The following RPL7L1 variants were observed in gnomAD, a reference collection of about 807,000 sequenced individuals.
RPL7L1 encodes ribosomal protein uL30-like.
In RPL7L1, 20 loss-of-function variants were observed where a neutral mutation model predicts 30.3. That is an observed-to-expected ratio of 0.66 (90% CI 0.46 to 0.96). The LOEUF is 0.96. Among genes scored for constraint, RPL7L1 ranks in the 40% least tolerant of loss-of-function variants. RPL7L1 has a pLI of 0.00. For synonymous variants in RPL7L1, 107 were observed against 110.1 expected (o/e 0.97, Z 0.18); for missense variants, 271 against 314.9 (o/e 0.86, Z 1.05).
In RPL7L1 at chr6:42,889,104, A is replaced by G. The variant is rs1007164775; in HGVS notation, c.*2640A>G. 5 of 152,190 alleles carry G rather than the reference A, an allele frequency of 3.3e-5. No homozygotes were observed. Among genetic ancestry groups the G allele is most frequent in the African/African-American group, 9.7e-5 (4 of 41,432 alleles). The allele number at this position is 152,190 out of a possible 1,614,324, so 9.4% of individuals were successfully genotyped here. ...GCAATTTTGGCTCCTTGGACCCTCA[A>G]GCATAGCTGGTAAATCAAGTTAGAG... is the stretch of plus-strand genomic sequence containing the variant. On this transcript the variant is annotated 3_prime_UTR_variant, in exon 6 of 6. Coordinates refer to ENST00000493763, the MANE Select transcript of RPL7L1 (RefSeq NM_001366481.3).
In RPL7L1 at chr6:42,879,918, G is replaced by A. The variant is rs780765812; in HGVS notation, c.8G>A (p.Ser3Asn). ...CATGTGGTGGGGTTGCGCATGATCA[G>A]TAGCTGCACCACTAGAAAGATGGCG... is the stretch of plus-strand genomic sequence containing the variant. MI[S>N]SCTTRKMAEQ... is the part of the protein sequence containing the mutation. Residue 3 changes from serine to asparagine, a missense_variant, in exon 1 of 6, where the codon AGT becomes AAT. Physicochemically the swap from Ser to Asn is conservative, Grantham distance 46. Coordinates refer to ENST00000493763, the MANE Select transcript of RPL7L1 (RefSeq NM_001366481.3). 31 of 1,614,098 alleles carry A rather than the reference G, an allele frequency of 1.9e-5. No individual in the cohort carries two copies. Among genetic ancestry groups the A allele is most frequent in the Non-Finnish European group, 2.5e-5 (30 of 1,179,992 alleles).
chr6:42,885,052 G>A (rs1040269960), intron 4 of RPL7L1, among the ~76,000 whole-genome samples: 4 of 152,154 alleles, frequency 2.6e-5, no homozygotes, highest in East Asian at 1.9e-4. Context: ...ATTCCTGGCC[G>A]GACACACTGG....
chr6:42,881,101 G>T, intron 2 of RPL7L1, 135 bp downstream of exon 2: 1 of 618,492 alleles, frequency 1.6e-6, no homozygotes, highest in Non-Finnish European at 2.9e-6. Context: ...GTCTCTCAGT[G>T]TCCTTAAGGG....
rs377089896 is a variant in RPL7L1 at position 42,887,716 on chromosome 6, A to G, written c.*1252A>G. The G allele has an allele frequency of 6.6e-6, 1 of 152,122 alleles. No individual in the cohort carries two copies. Among genetic ancestry groups the G allele is most frequent in the African/African-American group, 2.4e-5 (1 of 41,512 alleles). The allele number at this position is 152,122 out of a possible 1,614,324, so 9.4% of individuals were successfully genotyped here. A position where few individuals can be genotyped will look rare whatever the true frequency, so the allele number is the denominator to read the frequency against. On this transcript the variant is annotated 3_prime_UTR_variant, in exon 6 of 6. Transcript: ENST00000493763. ...AATCGGCACATTCCATGGAGGAAGGAGTCCTGCTTTGTTGCATGTATCCTA... is the reference window on the plus strand; with the variant it reads ...AATCGGCACATTCCATGGAGGAAGGGGTCCTGCTTTGTTGCATGTATCCTA...
At chr6:42,882,945 C>G (rs1414821024) in intron 2 of RPL7L1, 1 of 152,850 alleles carries the variant, frequency 6.5e-6, no homozygotes, top group African/African-American at 2.4e-5. Flanking sequence ...TTGTGTTACC[C>G]AGGCTAGAGT....
intron 4 of RPL7L1, among the ~76,000 whole-genome samples, chr6:42,885,066 A>G (rs1766211586): frequency 6.6e-6 from 1 of 152,214 alleles, no homozygotes; most frequent in African/African-American, 2.4e-5. Context: ...ACACTGGCTC[A>G]TGCCTGTAAT....
chr6:42,885,024 T>C (rs1235454036), intron 4 of RPL7L1, among the ~76,000 whole-genome samples: 1 of 152,122 alleles, frequency 6.6e-6, no homozygotes, highest in Non-Finnish European at 1.5e-5. Flanking sequence ...CTAAAGGCAG[T>C]GCATGTGTAA....
rs951189190 is a variant in RPL7L1, at chr6:42,880,094, G to A, written c.41+143G>A. ...TTACAAAGGGTGGGGGTGAGGAGGA[G>A]TAGCGCTGTGGCGGAGGAGGGAGGG... is the stretch of plus-strand genomic sequence containing the variant. On this transcript the variant is annotated intron_variant, in intron 1 of 5. Coordinates refer to ENST00000493763, the MANE Select transcript of RPL7L1 (RefSeq NM_001366481.3). The A allele has an allele frequency of 2.7e-5, 23 of 856,130 alleles. No homozygotes were observed. The African/African-American group carries it at 3.7e-4, about 14-fold the overall frequency. 53.0% of individuals were successfully genotyped at this position (856,130 alleles called of 1,614,324 possible).
rs183501662 is a variant in RPL7L1, at chr6:42,879,861, G to C, written c.-50G>C. On this transcript the variant is annotated 5_prime_UTR_variant, in exon 1 of 6. The change abolishes an upstream ATG in the 5' untranslated region. Transcript: ENST00000493763. ...CGTGAGCTAGAACAGACGTCTCTATGGTCAAGTAAACAGAGCGTGTGCTGT... is the reference window on the plus strand; with the variant it reads ...CGTGAGCTAGAACAGACGTCTCTATCGTCAAGTAAACAGAGCGTGTGCTGT... 7.5e-6 allele frequency: 12 copies of C among 1,600,942 alleles called. No homozygotes were observed. Among genetic ancestry groups the C allele is most frequent in the Non-Finnish European group, 1.0e-5 (12 of 1,169,348 alleles).
At chr6:42,880,088 G>C (rs143305179) in intron 1 of RPL7L1, 137 bp downstream of exon 1, 2 of 895,238 alleles carry the variant, frequency 2.2e-6, no homozygotes, top group Non-Finnish European at 3.7e-6. Flanking sequence ...GTGGGGGTGA[G>C]GAGGAGTAGC....
chr6:42,881,366 G>C (rs191144675), intron 2 of RPL7L1: 3,644 of 153,756 alleles, frequency 0.024, 48 homozygotes, highest in Non-Finnish European at 0.027. Context: ...TCGGGAGGCC[G>C]AGGCAGGAGA....
intron 4 of RPL7L1, chr6:42,885,485 T>G (rs1205696120): frequency 6.5e-6 from 1 of 154,624 alleles, no homozygotes; most frequent in Non-Finnish European, 1.4e-5. Context: ...GGCAGGAGAA[T>G]GGCATGAACC....
At chr6:42,882,586 C>G (rs1766117593) in intron 2 of RPL7L1, 1 of 130,566 alleles carries the variant, frequency 7.7e-6, no homozygotes, top group Non-Finnish European at 1.5e-5. Flanking sequence ...GAGCAAAACC[C>G]TGTCTCAAAA....
In RPL7L1 at chr6:42,888,676, T is replaced by A. The variant is rs1053735956; in HGVS notation, c.*2212T>A. On this transcript the variant is annotated 3_prime_UTR_variant, in exon 6 of 6. Coordinates refer to ENST00000493763, the MANE Select transcript of RPL7L1 (RefSeq NM_001366481.3). ...TCAGAATAGAATTGCCTGGTTTCTC[T>A]GATGATCAGCATGGTTCCTTAAAAC... 4 of 152,330 alleles carry A rather than the reference T, an allele frequency of 2.6e-5. No homozygotes were observed. The highest frequency in any genetic ancestry group is 4.4e-5 in the Non-Finnish European group (3 of 68,108). The allele number at this position is 152,330 out of a possible 1,614,324, so 9.4% of individuals were successfully genotyped here.
In RPL7L1 at chr6:42,886,515, C is replaced by T. The variant is rs1164264530; in HGVS notation, c.*51C>T. 4 of 799,256 alleles carry T rather than the reference C, an allele frequency of 5.0e-6. No homozygotes were observed. The South Asian group carries it at 5.7e-5, about 11-fold the overall frequency. The allele number at this position is 799,256 out of a possible 1,614,324, so 49.5% of individuals were successfully genotyped here. A position where few individuals can be genotyped will look rare whatever the true frequency, so the allele number is the denominator to read the frequency against. The stretch of plus-strand genomic sequence containing the variant: ...TGCCCTTGGGCTGACTTTTGATAGG[C>T]CATGCCTTGCCACTTTACAAGTTCT... On this transcript the variant is annotated 3_prime_UTR_variant, in exon 6 of 6. Coordinates refer to ENST00000493763, the MANE Select transcript of RPL7L1 (RefSeq NM_001366481.3).
rs1215898569 is a variant in RPL7L1, at chr6:42,889,221, A to G, written c.*2757A>G. 1 of 152,252 alleles carries G rather than the reference A, an allele frequency of 6.6e-6. No homozygotes were observed. Among genetic ancestry groups the G allele is most frequent in the Non-Finnish European group, 1.5e-5 (1 of 68,098 alleles). 9.4% of individuals were successfully genotyped at this position (152,252 alleles called of 1,614,324 possible). On this transcript the variant is annotated 3_prime_UTR_variant, in exon 6 of 6. Transcript: ENST00000493763. ...TTCAGGAGGCTGAGGCAGGCAGATC[A>G]CTTGAGGTCAGGAGTTCGAGACCAG...
intron 1 of RPL7L1, among the ~76,000 whole-genome samples, chr6:42,880,222 T>G (rs1562509313): frequency 2.6e-5 from 4 of 152,158 alleles, no homozygotes. Context: ...GTGTTAACTC[T>G]GCAGATAGGC....
intron 2 of RPL7L1, 58 bp downstream of exon 2, chr6:42,881,024 C>G (rs950919866): frequency 8.7e-6 from 8 of 923,880 alleles, no homozygotes; most frequent in South Asian, 1.3e-5. Flanking sequence ...AGTTTTATCC[C>G]GCATGTGTTG....
In RPL7L1 at chr6:42,886,690, C is replaced by T. The variant is rs1294828597; in HGVS notation, c.*226C>T. 6 of 494,962 alleles carry T rather than the reference C, an allele frequency of 1.2e-5. No individual in the cohort carries two copies. Among genetic ancestry groups the T allele is most frequent in the African/African-American group, 5.8e-5 (3 of 51,426 alleles). 30.7% of individuals were successfully genotyped at this position (494,962 alleles called of 1,614,324 possible). The stretch of plus-strand genomic sequence containing the variant: ...CTAAGAGTTATAGGCTTAAAGATGT[C>T]GAGTAACTAAAAACTGTATTGCTGG... On this transcript the variant is annotated 3_prime_UTR_variant, in exon 6 of 6. Transcript: ENST00000493763.
Sources: gnomAD v4.1 joint callset for allele counts (sites outside exome capture counted in the v4.1 genomes callset) on GRCh38, gnomAD v4.1.1 for gene constraint, MANE v1.5 for transcripts, NCBI Gene and HGNC (gene_info 2026-07-23, HGNC 2026-07-21) for gene names.